LYPD1: variants seen among roughly 807,000 people sequenced by gnomAD.
LYPD1 encodes ly6/PLAUR domain-containing protein 1.
A neutral mutation model predicts 14.2 loss-of-function variants in LYPD1; 14 were observed. The ratio of observed to expected loss-of-function variants is 0.99; its 90% CI spans 0.65 to 1.54. The LOEUF (loss-of-function observed/expected upper bound fraction) is 1.54, where lower values mean the gene tolerates loss of function less well. Ranked by LOEUF, LYPD1 falls within the 40% of genes most tolerant of loss-of-function variation. The probability of loss-of-function intolerance (pLI) is 0.00; values close to 1 mark genes in which losing one functional copy is unlikely to be tolerated. For missense variants in LYPD1, 165 were observed against 175.7 expected (o/e 0.94, Z 0.34); for synonymous variants, 85 against 70.6 (o/e 1.20, Z -1.02).
Position 132,645,302 on chromosome 2 carries a change from G to A in LYPD1, c.*743C>T, listed in dbSNP as rs776695600. 3.1e-6 allele frequency: 5 copies of A among 1,614,048 alleles called. No individual in the cohort carries two copies. The highest frequency in any genetic ancestry group is 4.2e-6 in the Non-Finnish European group (5 of 1,180,034). On this transcript the variant is annotated 3_prime_UTR_variant, in exon 3 of 3. Transcript: ENST00000397463. The stretch of plus-strand genomic sequence containing the variant: ...ACGGTGTCCTCGCAGCAGTTTCGGC[G>A]GGTGTTCGTGCAGGTGCTGTGCTGC...
upstream of LYPD1, among the ~76,000 whole-genome samples, chr2:132,670,722 T>C (rs766526954): frequency 3.9e-5 from 6 of 152,106 alleles, no homozygotes; most frequent in Non-Finnish European, 8.8e-5. This position sits in a 1 kb window ranked among gnomAD's most constrained non-coding sequence, Gnocchi z 4.5. Flanking sequence ...GCCCGCAGGC[T>C]CCGTAGGGTG....
At chr2:132,650,723 AAAAAC>A (rs1284767021) in intron 2 of LYPD1, among the ~76,000 whole-genome samples, 9 of 103,608 alleles carry the variant, frequency 8.7e-5, no homozygotes, top group African/African-American at 2.1e-4. Flanking sequence ...TTTAAAAAAA[AAAAAC>A]AAAAAACAAA....
chr2:132,647,276 T>A (rs2104893535), intron 2 of LYPD1, among the ~76,000 whole-genome samples: 1 of 152,320 alleles, frequency 6.6e-6, no homozygotes, highest in South Asian at 2.1e-4. Context: ...GAACAGGAAG[T>A]GGAGCAGCTG....
intron 2 of LYPD1, among the ~76,000 whole-genome samples, chr2:132,661,956 A>T (rs1427905096): frequency 8.7e-5 from 13 of 149,510 alleles, no homozygotes; most frequent in Admixed American, 4.0e-4. Flanking sequence ...AAAAAAAAAA[A>T]CCTGGAGAAG....
intron 2 of LYPD1, among the ~76,000 whole-genome samples, chr2:132,650,702 CT>C (rs1354539021): frequency 1.4e-5 from 2 of 144,012 alleles, no homozygotes; most frequent in African/African-American, 5.3e-5. Context: ...CCCTCCCTTC[CT>C]CCTCCTTCCT....
chr2:132,661,888 TG>T (rs1350013504), intron 2 of LYPD1, among the ~76,000 whole-genome samples: 1 of 151,184 alleles, frequency 6.6e-6, no homozygotes, highest in African/African-American at 2.4e-5. Context: ...TCAATAAAAT[TG>T]TTGTTAAAAA....
At position 132,643,555 on chromosome 2, in the gene LYPD1, C is replaced by T. The variant is rs142103521; in HGVS notation, c.*2490G>A. 4.0e-3 allele frequency among the ~76,000 whole-genome samples: 615 copies of T among 152,330 alleles called. 8 individuals carry two copies. The highest frequency in any genetic ancestry group is 0.024 in the Middle Eastern group (7 of 294). On this transcript the variant is annotated 3_prime_UTR_variant, in exon 3 of 3. Coordinates refer to ENST00000397463, the MANE Select transcript of LYPD1 (RefSeq NM_144586.7). Reference sequence around the variant, plus strand: ...TATTGAGACAGTTTCACTCTGTCAGCCAGGCTGGAGTGCAGTGGCACATTC... The same window carrying T: ...TATTGAGACAGTTTCACTCTGTCAGTCAGGCTGGAGTGCAGTGGCACATTC...
In LYPD1 at chr2:132,645,367, C is replaced by T; in HGVS notation, c.*678G>A. ...GCACGCCAACCACGAGAAGCGCCTG[C>T]GCGTACATGCGCACTCCACCACCGA... On this transcript the variant is annotated 3_prime_UTR_variant, in exon 3 of 3. Transcript: ENST00000397463. 1 of 1,613,886 alleles carries T rather than the reference C, an allele frequency of 6.2e-7. No individual in the cohort carries two copies. The highest frequency in any genetic ancestry group is 8.5e-7 in the Non-Finnish European group (1 of 1,179,986).
chr2:132,669,859 G>GC lies in LYPD1; in HGVS notation c.52+21dup. On this transcript the variant is annotated intron_variant, in intron 1 of 2. Transcript: ENST00000397463. This position sits in a 1 kb window ranked among gnomAD's most constrained non-coding sequence, Gnocchi z 4.3. ...GGATTGTGCGCACCTGGCCTCGGCT[G>GC]CTGGCCTCTGGGTATTCTCACCTGG... 8 of 1,611,730 alleles carry GC rather than the reference G, an allele frequency of 5.0e-6. No homozygotes were observed. The highest frequency in any genetic ancestry group is 6.8e-6 in the Non-Finnish European group (8 of 1,178,980).
At chr2:132,657,070 A>G (rs889601596) in intron 2 of LYPD1, among the ~76,000 whole-genome samples, 3 of 152,252 alleles carry the variant, frequency 2.0e-5, no homozygotes, top group East Asian at 1.9e-4. Flanking sequence ...CGTTAAGTTC[A>G]TTATTCAGAG....
chr2:132,652,035 A>C (rs4954351), intron 2 of LYPD1, among the ~76,000 whole-genome samples: 71,723 of 151,942 alleles, frequency 0.47, 17,279 homozygotes, highest in South Asian at 0.57. Context: ...TTTCCCTGAA[A>C]CCTCATGGCT....
rs975153846 is a variant in LYPD1, at chr2:132,645,309, C to T, written c.*736G>A. ...CCTCGCAGCAGTTTCGGCGGGTGTTCGTGCAGGTGCTGTGCTGCCGCCTGT... is the reference window on the plus strand; with the variant it reads ...CCTCGCAGCAGTTTCGGCGGGTGTTTGTGCAGGTGCTGTGCTGCCGCCTGT... On this transcript the variant is annotated 3_prime_UTR_variant, in exon 3 of 3. Transcript: ENST00000397463. 6 of 1,614,176 alleles carry T rather than the reference C, an allele frequency of 3.7e-6. No individual in the cohort carries two copies. The highest frequency in any genetic ancestry group is 3.3e-5 in the Admixed American group (2 of 60,024).
chr2:132,651,023 A>AT (rs1449292846), intron 2 of LYPD1, among the ~76,000 whole-genome samples: 1 of 152,186 alleles, frequency 6.6e-6, no homozygotes, highest in Admixed American at 6.5e-5. Context: ...ATTGGGGAAA[A>AT]TAAAAATTAA....
chr2:132,669,297 C>A lies in LYPD1; in HGVS notation c.52+584G>T, dbSNP rs1683487714. Among the ~76,000 whole-genome samples, 1 of 152,118 alleles carries A rather than the reference C, an allele frequency of 6.6e-6. No individual in the cohort carries two copies. The highest frequency in any genetic ancestry group is 6.5e-5 in the Admixed American group (1 of 15,284). ...TGGTCGGGGTTCCAGCTCTGCAGAG[C>A]TTAGTCGGGAGCCAGTAGGCGAACT... is the stretch of plus-strand genomic sequence containing the variant. On this transcript the variant is annotated intron_variant, in intron 1 of 2. Coordinates refer to ENST00000397463, the MANE Select transcript of LYPD1 (RefSeq NM_144586.7). This position sits in a 1 kb window ranked among gnomAD's most constrained non-coding sequence, Gnocchi z 4.3.
At chr2:132,664,883 G>A (rs1159532223) in intron 2 of LYPD1, among the ~76,000 whole-genome samples, 2 of 152,220 alleles carry the variant, frequency 1.3e-5, no homozygotes, top group Non-Finnish European at 2.9e-5. Flanking sequence ...TTTGCAGAGT[G>A]CAATGACAAG....
At chr2:132,650,715 T>A (rs1003891434) in intron 2 of LYPD1, among the ~76,000 whole-genome samples, 7 of 102,890 alleles carry the variant, frequency 6.8e-5, no homozygotes, top group Non-Finnish European at 8.8e-5. Flanking sequence ...CTCCTTCCTT[T>A]AAAAAAAAAA....
chr2:132,669,839 G>T lies in LYPD1; in HGVS notation c.52+42C>A. ...AAAAGGGCTGGCGGGTAGATGGATT[G>T]TGCGCACCTGGCCTCGGCTGCTGGC... On this transcript the variant is annotated intron_variant, in intron 1 of 2. Transcript: ENST00000397463. The surrounding 1 kb of genome is among the most constrained non-coding windows in gnomAD (Gnocchi z 4.3). 1 of 1,608,020 alleles carries T rather than the reference G, an allele frequency of 6.2e-7. No homozygotes were observed.
intron 2 of LYPD1, among the ~76,000 whole-genome samples, chr2:132,659,825 C>T (rs181052085): frequency 4.6e-5 from 7 of 152,318 alleles, no homozygotes; most frequent in Admixed American, 3.3e-4. Flanking sequence ...CTAGTCAACC[C>T]GCTAGGCTCT....
chr2:132,650,181 G>C (rs548905121), intron 2 of LYPD1, among the ~76,000 whole-genome samples: 11 of 152,238 alleles, frequency 7.2e-5, no homozygotes, highest in Non-Finnish European at 1.0e-4. Flanking sequence ...ACAGTTCACA[G>C]AAAACGCAAC....
Sources: gnomAD v4.1 joint callset for allele counts (sites outside exome capture counted in the v4.1 genomes callset) on GRCh38, gnomAD v4.1.1 for gene constraint, Gnocchi (gnomAD v3.1) non-coding constraint, MANE v1.5 for transcripts, NCBI Gene and HGNC (gene_info 2026-07-23, HGNC 2026-07-21) for gene names.